SLC22A3: variants seen among roughly 807,000 people sequenced by gnomAD.
SLC22A3 encodes EMT organic cation transporter 3.
Under a neutral mutation model 59.1 loss-of-function variants are expected in SLC22A3, and 51 were observed. The observed-to-expected ratio is 0.86, with a 90% CI of 0.69 to 1.09. The LOEUF (loss-of-function observed/expected upper bound fraction) is 1.09, where lower values mean the gene tolerates loss of function less well. SLC22A3 is among the 50% of genes least tolerant of loss of function. The pLI is 0.00. For missense variants in SLC22A3, 711 were observed against 726.3 expected, an observed-to-expected ratio of 0.98 and a Z score of 0.24; for synonymous variants, 325 against 292.0, an observed-to-expected ratio of 1.11 and a Z score of -1.15.
intron 1 of SLC22A3, among the ~76,000 whole-genome samples, chr6:160,354,452 A>G (rs1487017538): frequency 6.6e-6 from 1 of 152,188 alleles, no homozygotes; most frequent in African/African-American, 2.4e-5. Flanking sequence ...GAGGGAAGGA[A>G]CAGGCTATGG....
chr6:160,389,019 C>G (rs1786135995), intron 1 of SLC22A3, among the ~76,000 whole-genome samples: 1 of 152,116 alleles, frequency 6.6e-6, no homozygotes, highest in Admixed American at 6.5e-5. Context: ...TACCCCCAAA[C>G]CAAGGAGAGA....
chr6:160,367,754 G>A (rs1785256016), intron 1 of SLC22A3, among the ~76,000 whole-genome samples: 1 of 152,162 alleles, frequency 6.6e-6, no homozygotes, highest in African/African-American at 2.4e-5. Flanking sequence ...GGATGATGGG[G>A]CACTGTTACG....
intron 1 of SLC22A3, among the ~76,000 whole-genome samples, chr6:160,366,146 T>G (rs111481462): frequency 0.015 from 2,284 of 152,306 alleles, 44 homozygotes; most frequent in African/African-American, 0.051. Flanking sequence ...AACACAATCA[T>G]GCCTTCCCAA....
At chr6:160,349,742 T>C (rs1423788708) in intron 1 of SLC22A3, among the ~76,000 whole-genome samples, 1 of 152,138 alleles carries the variant, frequency 6.6e-6, no homozygotes, top group African/African-American at 2.4e-5. Context: ...TTTGTAATAA[T>C]CGGAACTCAG....
At chr6:160,450,034 G>A (rs1025708754) in intron 10 of SLC22A3, among the ~76,000 whole-genome samples, 10 of 152,148 alleles carry the variant, frequency 6.6e-5, no homozygotes, top group Non-Finnish European at 1.0e-4. Flanking sequence ...TATGTTCAGC[G>A]GTGCATGTAT....
chr6:160,430,734 T>C (rs376563), intron 5 of SLC22A3, among the ~76,000 whole-genome samples: 90,401 of 152,114 alleles, frequency 0.59, 27,538 homozygotes, highest in African/African-American at 0.74. Flanking sequence ...AACAAGCCTC[T>C]GAACAGATAG....
At chr6:160,416,388 C>T (rs184451116) in intron 5 of SLC22A3, among the ~76,000 whole-genome samples, 26 of 151,944 alleles carry the variant, frequency 1.7e-4, no homozygotes, top group Admixed American at 7.9e-4. Flanking sequence ...CAATGTAGAA[C>T]GAGGATTAGC....
intron 2 of SLC22A3, among the ~76,000 whole-genome samples, chr6:160,403,207 A>G (rs1434520269): frequency 2.0e-5 from 3 of 151,668 alleles, no homozygotes; most frequent in East Asian, 1.9e-4. Context: ...TAGAAATAAA[A>G]GAGGGGACAT....
At chr6:160,380,763 C>T (rs190645618) in intron 1 of SLC22A3, among the ~76,000 whole-genome samples, 19 of 152,148 alleles carry the variant, frequency 1.2e-4, no homozygotes, top group Admixed American at 9.8e-4. Flanking sequence ...AGAATGATAA[C>T]GTAGTAAATC....
At chr6:160,443,364 C>T (rs1788620938) in intron 8 of SLC22A3, among the ~76,000 whole-genome samples, 2 of 152,196 alleles carry the variant, frequency 1.3e-5, no homozygotes, top group Non-Finnish European at 2.9e-5. Context: ...ACCAAAGTAG[C>T]ACAAAGTGAC....
At chr6:160,348,917 C>T in intron 1 of SLC22A3, 69 bp downstream of exon 1, 2 of 1,533,384 alleles carry the variant, frequency 1.3e-6, no homozygotes, top group South Asian at 1.2e-5. Flanking sequence ...GGACAAGCCG[C>T]GTGTGAGACG....
Position 160,348,410 on chromosome 6 carries a change from C to G in SLC22A3, c.-10C>G, listed in dbSNP as rs746764048. 1.4e-6 allele frequency: 2 copies of G among 1,447,428 alleles called. No individual in the cohort carries two copies. Among genetic ancestry groups the G allele is most frequent in the African/African-American group, 1.5e-5 (1 of 67,954 alleles). 89.7% of individuals were successfully genotyped at this position (1,447,428 alleles called of 1,614,324 possible). A position where few individuals can be genotyped will look rare whatever the true frequency, so the allele number is the denominator to read the frequency against. ...GGCGCGGGCTGCGGGCGGCGGGCGG[C>G]GGGCGCACCATGCCCTCCTTCGACG... On this transcript the variant is annotated 5_prime_UTR_variant, in exon 1 of 11. Transcript: ENST00000275300.
At chr6:160,348,978 G>C (rs1051363067) in intron 1 of SLC22A3, 130 bp downstream of exon 1, 20 of 1,513,744 alleles carry the variant, frequency 1.3e-5, no homozygotes, top group Non-Finnish European at 1.8e-5. Flanking sequence ...GCTACCTCTG[G>C]GGACAGACAG....
intron 1 of SLC22A3, among the ~76,000 whole-genome samples, chr6:160,397,549 C>T (rs1367185285): frequency 6.6e-6 from 1 of 152,022 alleles, no homozygotes; most frequent in Non-Finnish European, 1.5e-5. Flanking sequence ...TTCTGGCCAA[C>T]ATGGTGAAAC....
At chr6:160,443,795 A>T in intron 9 of SLC22A3, 53 bp downstream of exon 9, 1 of 995,682 alleles carries the variant, frequency 1.0e-6, no homozygotes, top group Non-Finnish European at 1.5e-6. Context: ...CTTTGTACTA[A>T]AAGAGACCTA....
intron 1 of SLC22A3, among the ~76,000 whole-genome samples, chr6:160,370,081 A>G (rs1397207184): frequency 6.6e-6 from 1 of 152,192 alleles, no homozygotes; most frequent in African/African-American, 2.4e-5. Flanking sequence ...CAGACGTCTT[A>G]CAAAGTGGTT....
At position 160,411,262 on chromosome 6, in the gene SLC22A3, T is replaced by A. The variant is rs531969383; in HGVS notation, c.975+416T>A. Among the ~76,000 whole-genome samples, 15 of 152,274 alleles carry A rather than the reference T, an allele frequency of 9.9e-5. No individual in the cohort carries two copies. The East Asian group carries it at 2.9e-3, about 29-fold the overall frequency. ...TGTAAAACTTTTTTTGACTTTTAAT[T>A]TAAATCTTTAAGTTTGGCCCTGAAA... On this transcript the variant is annotated intron_variant, in intron 5 of 10. Coordinates refer to ENST00000275300, the MANE Select transcript of SLC22A3 (RefSeq NM_021977.4).
intron 7 of SLC22A3, among the ~76,000 whole-genome samples, chr6:160,440,548 A>C (rs1788503550): frequency 6.6e-6 from 1 of 152,198 alleles, no homozygotes; most frequent in African/African-American, 2.4e-5. Context: ...ATGGAAGACA[A>C]TTTTAGTTTC....
chr6:160,438,949 A>C (rs1225236568), intron 7 of SLC22A3, among the ~76,000 whole-genome samples: 1 of 152,044 alleles, frequency 6.6e-6, no homozygotes, highest in Non-Finnish European at 1.5e-5. Context: ...TGCTTGTGTC[A>C]GTGTCACCTT....
Sources: gnomAD v4.1 joint callset for allele counts (sites outside exome capture counted in the v4.1 genomes callset) on GRCh38, gnomAD v4.1.1 for gene constraint, MANE v1.5 for transcripts, NCBI Gene and HGNC (gene_info 2026-07-23, HGNC 2026-07-21) for gene names.